The following NTAQ1 variants were observed in gnomAD, a reference collection of about 807,000 sequenced individuals.
NTAQ1 encodes the protein protein N-terminal glutamine amidohydrolase.
A neutral mutation model predicts 28.2 loss-of-function variants in NTAQ1; 21 were observed. The observed-to-expected ratio is 0.74, with a 90% CI of 0.53 to 1.07. The LOEUF (loss-of-function observed/expected upper bound fraction) is 1.07, where lower values mean the gene tolerates loss of function less well. NTAQ1 is among the 50% of genes least tolerant of loss of function. The pLI, the probability that NTAQ1 is intolerant of heterozygous loss-of-function variation, is 0.00. For synonymous variants in NTAQ1, 105 were observed against 90.0 expected (o/e 1.17, Z -0.94); for missense variants, 264 against 256.6 (o/e 1.03, Z -0.20).
At chr8:123,456,155 T>C (rs563579221) in intron 6 of NTAQ1, among the ~76,000 whole-genome samples, 11 of 152,346 alleles carry the variant, frequency 7.2e-5, no homozygotes, top group African/African-American at 2.6e-4. Flanking sequence ...CCAGTGGTCA[T>C]GACATTGCAT....
chr8:123,473,583 G>C (rs1816062971), downstream of NTAQ1, among the ~76,000 whole-genome samples: 1 of 152,198 alleles, frequency 6.6e-6, no homozygotes, highest in African/African-American at 2.4e-5. Flanking sequence ...GAGCCACCAT[G>C]CCCGGCCTGT....
chr8:123,475,134 G>A, the NTAQ1 span, among the ~76,000 whole-genome samples: 4 of 151,982 alleles, frequency 2.6e-5, no homozygotes, highest in Admixed American at 2.0e-4. Context: ...TATTTTATGG[G>A]TTATAATCGA....
At chr8:123,471,381 T>G (rs1048877170), downstream of NTAQ1, among the ~76,000 whole-genome samples, 12 of 152,166 alleles carry the variant, frequency 7.9e-5, no homozygotes, top group Non-Finnish European at 1.6e-4. Context: ...AGGACTTTGT[T>G]GTAGTCAGGG....
At chr8:123,465,245 A>G (rs531874355) in intron 6 of NTAQ1, among the ~76,000 whole-genome samples, 27 of 152,318 alleles carry the variant, frequency 1.8e-4, no homozygotes, top group African/African-American at 3.4e-4. Context: ...CATTGACACA[A>G]TACTGTGAAC....
chr8:123,460,626 A>G (rs546436562), intron 6 of NTAQ1, among the ~76,000 whole-genome samples: 6 of 152,322 alleles, frequency 3.9e-5, no homozygotes, highest in African/African-American at 1.4e-4. Context: ...GTAGGAAAAA[A>G]GCGGTCAGGG....
intron 5 of NTAQ1, among the ~76,000 whole-genome samples, chr8:123,440,658 C>T (rs534212992): frequency 6.6e-6 from 1 of 151,850 alleles, no homozygotes; most frequent in South Asian, 2.1e-4. Context: ...TGCCACCATA[C>T]CCAGCTAATT....
Position 123,437,200 on chromosome 8 carries a change from T to A in NTAQ1, c.384-10T>A, listed in dbSNP as rs755241595. On this transcript the variant is annotated splice_polypyrimidine_tract_variant and intron_variant, in intron 4 of 5. Transcript: ENST00000287387. ...CTCCCTAATGTGAGTGTATATTGATTTTTCTGCAGGAAATTTAGAGTGATC... is the reference window on the plus strand; with the variant it reads ...CTCCCTAATGTGAGTGTATATTGATATTTCTGCAGGAAATTTAGAGTGATC... The A allele has an allele frequency of 1.2e-6, 2 of 1,613,506 alleles. No individual in the cohort carries two copies. The highest frequency in any genetic ancestry group is 1.7e-6 in the Non-Finnish European group (2 of 1,179,826).
chr8:123,426,626 A>T (rs1814068301), intron 1 of NTAQ1, among the ~76,000 whole-genome samples: 1 of 151,528 alleles, frequency 6.6e-6, no homozygotes, highest in Non-Finnish European at 1.5e-5. Flanking sequence ...GAGCCACTGC[A>T]CTTCATTCAG....
chr8:123,421,360 G>A (rs1467079597), intron 1 of NTAQ1, among the ~76,000 whole-genome samples: 1 of 152,190 alleles, frequency 6.6e-6, no homozygotes, highest in Admixed American at 6.5e-5. Context: ...GATTACAGAT[G>A]TGAGCTACTG....
chr8:123,470,385 A>T (rs938219806), downstream of NTAQ1, among the ~76,000 whole-genome samples: 3 of 152,204 alleles, frequency 2.0e-5, no homozygotes, highest in African/African-American at 7.2e-5. Context: ...AGGGCAAATC[A>T]CTGATGAGAT....
chr8:123,449,974 T>TATATATA (rs371673968), downstream of NTAQ1, among the ~76,000 whole-genome samples: 1 of 56,084 alleles, frequency 1.8e-5, no homozygotes, highest in African/African-American at 7.0e-5. Flanking sequence ...TATATATATA[T>TATATATA]GCTGGATAAA....
chr8:123,418,838 A>G (rs4871367), intron 1 of NTAQ1, among the ~76,000 whole-genome samples: 100,065 of 151,778 alleles, frequency 0.66, 33,681 homozygotes, highest in East Asian at 0.93. Context: ...GAGCATGATA[A>G]TTCCTTGCTA....
chr8:123,468,701 A>C (rs1816009645), exon 7 of NTAQ1, among the ~76,000 whole-genome samples: 1 of 152,166 alleles, frequency 6.6e-6, no homozygotes, highest in South Asian at 2.1e-4. Flanking sequence ...TCTTGTTTTC[A>C]GTTCTTTTGG....
At chr8:123,437,173 A>C (rs773928595) in intron 4 of NTAQ1, 37 bp from the exon 5 acceptor site, 2 of 1,603,204 alleles carry the variant, frequency 1.2e-6, no homozygotes, top group Non-Finnish European at 1.7e-6. Flanking sequence ...CAAACATGAC[A>C]TCTCCCTAAT....
Position 123,458,062 on chromosome 8 carries a change from A to T in NTAQ1, c.373-9017A>T, listed in dbSNP as rs58192887. ...AAAAAAAAAAAAAAAGATTTAAAAT[A>T]AAAAAAAAAAACAAATAAATCACAC... On this transcript the variant is annotated intron_variant, in intron 6 of 6. Transcript: ENST00000650311. Among the ~76,000 whole-genome samples the T allele has an allele frequency of 0.022, 71 of 3,236 alleles. No homozygotes were observed. The East Asian group carries it at 0.5, about 23-fold the overall frequency. 2.1% of individuals were successfully genotyped at this position (3,236 alleles called of 152,430 possible).
intron 1 of NTAQ1, 42 bp downstream of exon 1, chr8:123,416,974 C>G (rs561656531): frequency 2.1e-6 from 3 of 1,400,610 alleles, no homozygotes; most frequent in Non-Finnish European, 2.8e-6. Flanking sequence ...CCCAGGCTCC[C>G]GGGCGGCGAG....
At position 123,460,888 on chromosome 8, in the gene NTAQ1, G is replaced by A. The variant is rs141648111; in HGVS notation, c.373-6191G>A. ...GAATAATAACATGCGCCAGCATCCA[G>A]AGATGAGTTGAGGAGGCGTGCCGTC... On this transcript the variant is annotated intron_variant, in intron 6 of 6. Transcript: ENST00000650311. 3.3e-5 allele frequency among the ~76,000 whole-genome samples: 5 copies of A among 152,342 alleles called. No homozygotes were observed. In the East Asian group the frequency reaches 9.7e-4, roughly 29 times the overall value.
At chr8:123,444,730 C>T (rs1333940200), downstream of NTAQ1, among the ~76,000 whole-genome samples, 1 of 152,132 alleles carries the variant, frequency 6.6e-6, no homozygotes, top group South Asian at 2.1e-4. Flanking sequence ...AGGATGGTCT[C>T]TATCTTCTGC....
intron 1 of NTAQ1, 136 bp downstream of exon 1, chr8:123,417,068 G>A (rs1813343270): frequency 1.2e-6 from 1 of 856,042 alleles, no homozygotes; most frequent in African/African-American, 1.8e-5. Context: ...TTTGCGGGAG[G>A]AGGGAGCGGG....
Sources: gnomAD v4.1 joint callset for allele counts (sites outside exome capture counted in the v4.1 genomes callset) on GRCh38, gnomAD v4.1.1 for gene constraint, MANE v1.5 for transcripts, NCBI Gene and HGNC (gene_info 2026-07-23, HGNC 2026-07-21) for gene names.